UNC79: variants seen among roughly 807,000 people sequenced by gnomAD.
The protein encoded by UNC79 is unc-79 subunit of NALCN channel complex, also known as protein unc-79 homolog.
In UNC79, 37 loss-of-function variants were observed where a neutral mutation model predicts 283.1. The ratio of observed to expected loss-of-function variants is 0.13; its 90% CI spans 0.10 to 0.17. UNC79 has a LOEUF of 0.17. UNC79 is among the 10% of genes least tolerant of loss of function. The probability of loss-of-function intolerance (pLI) is 1.00; values close to 1 mark genes in which losing one functional copy is unlikely to be tolerated. For synonymous variants in UNC79, 1,107 were observed against 1,200.2 expected (o/e 0.92, Z 1.61); for missense variants, 2,272 against 3,211.1 (o/e 0.71, Z 7.07).
chr14:93,528,427 G>C (rs2060643897), intron 8 of UNC79, 131 bp from the exon 9 acceptor site: 2 of 740,912 alleles, frequency 2.7e-6, no homozygotes, highest in Admixed American at 2.8e-5. Flanking sequence ...CGGTAAAAAG[G>C]GTTTTACTAA....
chr14:93,635,571 A>G (rs1255717537), intron 31 of UNC79, among the ~76,000 whole-genome samples: 1 of 152,054 alleles, frequency 6.6e-6, no homozygotes, highest in Non-Finnish European at 1.5e-5. Context: ...AGATACTTTT[A>G]TTTTCTTCAA....
intron 1 of UNC79, among the ~76,000 whole-genome samples, chr14:93,443,707 G>A (rs2056382130): frequency 6.6e-6 from 1 of 152,194 alleles, no homozygotes; most frequent in Non-Finnish European, 1.5e-5. Context: ...ACAGGCATGA[G>A]CCACGGCACC....
chr14:93,584,778 C>A, intron 20 of UNC79, among the ~76,000 whole-genome samples: 1 of 151,254 alleles, frequency 6.6e-6, no homozygotes, highest in Non-Finnish European at 1.5e-5. Context: ...CTCACTGCAA[C>A]CTCCACCTCC....
intron 1 of UNC79, among the ~76,000 whole-genome samples, chr14:93,374,918 G>T (rs2054524922): frequency 6.6e-6 from 1 of 152,172 alleles, no homozygotes; most frequent in South Asian, 2.1e-4. Flanking sequence ...GGACTTTGGA[G>T]TTTTGAGTTG....
rs151215705 is a variant in UNC79, at chr14:93,366,531, G to A, written c.-351+33008G>A. On this transcript the variant is annotated intron_variant, in intron 1 of 49. Coordinates refer to the UNC79 transcript ENST00000256339. ...TAACTTAATCCATGTGTTTCCATTAGTGTAAGCAAATACTAAGTTCTCTTG... is the reference window on the plus strand; with the variant it reads ...TAACTTAATCCATGTGTTTCCATTAATGTAAGCAAATACTAAGTTCTCTTG... Among the ~76,000 whole-genome samples the A allele has an allele frequency of 1.2e-3, 177 of 151,062 alleles. 3 individuals are homozygous for A. In the East Asian group the frequency reaches 0.024, roughly 21 times the overall value.
chr14:93,651,912 ATTTTTTTT>A lies in UNC79; in HGVS notation c.6084-1809_6084-1802del, dbSNP rs71129653. 2.1e-4 allele frequency among the ~76,000 whole-genome samples: 10 copies of A among 46,598 alleles called. No homozygotes were observed. The East Asian group carries it at 2.5e-3, about 12-fold the overall frequency. The allele number at this position is 46,598 out of a possible 152,430, so 30.6% of individuals were successfully genotyped here. On this transcript the variant is annotated intron_variant, in intron 35 of 48. Coordinates refer to ENST00000555664, the Ensembl canonical transcript of UNC79. The stretch of plus-strand genomic sequence containing the variant: ...CACCACCATACCTGGCTAATTTTGT[ATTTTTTTT>A]TTTTTTTTTTTTTTTTTTTTACTAG...
At chr14:93,377,098 T>A (rs2054575435) in intron 1 of UNC79, among the ~76,000 whole-genome samples, 1 of 5,902 alleles carries the variant, frequency 1.7e-4, no homozygotes. Flanking sequence ...AGTTGTTTCT[T>A]TTTTTTTTTT....
chr14:93,474,591 G>A lies in UNC79; in HGVS notation c.448+198G>A, dbSNP rs2057695734. 6.6e-6 allele frequency among the ~76,000 whole-genome samples: 1 copy of A among 152,188 alleles called. No homozygotes were observed. The highest frequency in any genetic ancestry group is 1.5e-5 in the Non-Finnish European group (1 of 68,024). On this transcript the variant is annotated intron_variant, in intron 3 of 48. Transcript: ENST00000555664. The surrounding 1 kb of genome is among the most constrained non-coding windows in gnomAD (Gnocchi z 4.1). ...TACACTGTTTTATTGCCAGAGGGAT[G>A]TTATCCAAGTGGAGTATTGGGGGAG...
intron 14 of UNC79, among the ~76,000 whole-genome samples, chr14:93,552,168 G>A (rs1284488253): frequency 6.6e-6 from 1 of 152,232 alleles, no homozygotes; most frequent in Non-Finnish European, 1.5e-5. Context: ...GAAGAAATCA[G>A]CTGCCATTTG....
rs1426233112 is a variant in UNC79, at chr14:93,580,373, G to T, written c.2658G>T (p.Leu886=). 3 of 1,612,864 alleles carry T rather than the reference G, an allele frequency of 1.9e-6. No individual in the cohort carries two copies. The South Asian group carries it at 3.3e-5, about 18-fold the overall frequency. Residue 886 remains leucine, a synonymous_variant, in exon 19 of 49, where the codon CTG becomes CTT. Transcript: ENST00000555664. ...TAGCTCCTAAAGAAGAAAGCCGGCT[G>T]GTGGTAAGCAGTTGAAGAAACGAGA...
chr14:93,622,241 G>T lies in UNC79; in HGVS notation c.5008G>T (p.Val1670Phe). Reference sequence around the variant, plus strand: ...TAAAAATGCTGCCTCTTCTCCCTCCGTCCCCAGCCATCCCTCCGTCCTCAG... The same window carrying T: ...TAAAAATGCTGCCTCTTCTCCCTCCTTCCCCAGCCATCCCTCCGTCCTCAG... Residue 1670 changes from valine (V) to phenylalanine (F), a missense_variant, in exon 30 of 49, where the codon GTC becomes TTC. Coordinates refer to ENST00000555664, the Ensembl canonical transcript of UNC79. 2 of 1,613,702 alleles carry T rather than the reference G, an allele frequency of 1.2e-6. No homozygotes were observed. The highest frequency in any genetic ancestry group is 1.7e-6 in the Non-Finnish European group (2 of 1,179,904).
intron 35 of UNC79, among the ~76,000 whole-genome samples, chr14:93,647,815 TCA>T (rs1318271788): frequency 6.6e-6 from 1 of 152,184 alleles, no homozygotes; most frequent in Non-Finnish European, 1.5e-5. Flanking sequence ...TTTAATTGAC[TCA>T]CAGTTCCACA....
intron 4 of UNC79, among the ~76,000 whole-genome samples, chr14:93,480,689 A>G (rs1269173441): frequency 3.3e-5 from 5 of 152,216 alleles, no homozygotes; most frequent in African/African-American, 1.2e-4. Flanking sequence ...GTTTCAGATT[A>G]ATCATGTTAA....
intron 7 of UNC79, among the ~76,000 whole-genome samples, chr14:93,502,720 A>T (rs183931784): frequency 2.4e-4 from 37 of 152,344 alleles, no homozygotes; most frequent in Admixed American, 1.2e-3. Context: ...GTTACACAAG[A>T]TGTACATCTC....
chr14:93,558,761 C>T (rs1237234673), intron 14 of UNC79, among the ~76,000 whole-genome samples: 1 of 151,868 alleles, frequency 6.6e-6, no homozygotes, highest in Non-Finnish European at 1.5e-5. Context: ...TCCATAAGAG[C>T]AGAGCAGCTT....
At chr14:93,556,734 A>G (rs945392848) in intron 14 of UNC79, among the ~76,000 whole-genome samples, 6 of 151,826 alleles carry the variant, frequency 4.0e-5, no homozygotes, top group Admixed American at 2.0e-4. Flanking sequence ...AGATCCAAGA[A>G]GAGAAAAAAG....
chr14:93,590,847 G>A (rs1028203492), intron 22 of UNC79, among the ~76,000 whole-genome samples: 3 of 152,186 alleles, frequency 2.0e-5, no homozygotes, highest in Non-Finnish European at 4.4e-5. Context: ...AACTACACCG[G>A]AAGTTCCATG....
intron 1 of UNC79, among the ~76,000 whole-genome samples, chr14:93,440,527 A>ATTTTTTTTTTTTTTTTTT (rs760187081): frequency 7.5e-6 from 1 of 132,470 alleles, no homozygotes; most frequent in Non-Finnish European, 1.7e-5. Flanking sequence ...TTGGCTGTTA[A>ATTTTTTTTTTTTTTTTTT]TTTTTTTTTT....
At chr14:93,390,150 T>A (rs927473322) in intron 1 of UNC79, among the ~76,000 whole-genome samples, 89 of 152,242 alleles carry the variant, frequency 5.8e-4, no homozygotes, top group African/African-American at 2.1e-3. Flanking sequence ...AAATGAAATA[T>A]TTGTTTAACA....
Sources: gnomAD v4.1 joint callset for allele counts (sites outside exome capture counted in the v4.1 genomes callset) on GRCh38, gnomAD v4.1.1 for gene constraint, Gnocchi (gnomAD v3.1) non-coding constraint, MANE v1.5 for transcripts, NCBI Gene and HGNC (gene_info 2026-07-23, HGNC 2026-07-21) for gene names.